The following DEFB124 variants were observed in gnomAD, a reference collection of about 807,000 sequenced individuals.
DEFB124 encodes defensin beta 124.
For missense variants in DEFB124, 78 were observed against 83.1 expected (o/e 0.94, Z 0.24); for synonymous variants, 38 against 36.5 (o/e 1.04, Z -0.15).
chr20:31,471,964 G>A (rs1177076255), intron 2 of DEFB124, among the ~76,000 whole-genome samples: 73 of 151,884 alleles, frequency 4.8e-4, no homozygotes, highest in African/African-American at 1.5e-3. Context: ...GACGATGGGC[G>A]GCCAGGCAGA....
At chr20:31,470,862 C>T (rs1278816143) in intron 2 of DEFB124, among the ~76,000 whole-genome samples, 17 of 139,454 alleles carry the variant, frequency 1.2e-4, no homozygotes, top group Non-Finnish European at 1.7e-4. Flanking sequence ...CCGGACGGGG[C>T]GGCTGGCCGG....
At chr20:31,465,943 G>A (rs1261219155) in intron 2 of DEFB124, among the ~76,000 whole-genome samples, 1 of 152,074 alleles carries the variant, frequency 6.6e-6, no homozygotes, top group Non-Finnish European at 1.5e-5. Context: ...GATCACCTGA[G>A]GTCAGGAGTT....
chr20:31,470,991 G>A (rs532996290), intron 2 of DEFB124, among the ~76,000 whole-genome samples: 1 of 142,868 alleles, frequency 7.0e-6, no homozygotes, highest in African/African-American at 2.6e-5. Flanking sequence ...GGACGGGGCG[G>A]CTGGCCGGGC....
chr20:31,471,777 A>T (rs1352533362), intron 2 of DEFB124, among the ~76,000 whole-genome samples: 1 of 143,388 alleles, frequency 7.0e-6, no homozygotes, highest in South Asian at 2.3e-4. Context: ...GCGGCGGGGC[A>T]GAGGCGCTCC....
At chr20:31,469,188 C>G (rs540243152) in intron 2 of DEFB124, among the ~76,000 whole-genome samples, 1 of 151,970 alleles carries the variant, frequency 6.6e-6, no homozygotes. Flanking sequence ...TTTGGGAGGC[C>G]GGGGTGGGTC....
chr20:31,474,329 G>A (rs1179522886), intron 1 of DEFB124, among the ~76,000 whole-genome samples: 1 of 152,194 alleles, frequency 6.6e-6, no homozygotes, highest in Non-Finnish European at 1.5e-5. Context: ...GGTAAGCTTA[G>A]AGGGCCAAGC....
chr20:31,473,843 G>T (rs1980401120), intron 1 of DEFB124, among the ~76,000 whole-genome samples: 1 of 152,210 alleles, frequency 6.6e-6, no homozygotes, highest in Non-Finnish European at 1.5e-5. Context: ...GCAAAATGTG[G>T]CTTAACAAGC....
intron 2 of DEFB124, among the ~76,000 whole-genome samples, chr20:31,470,426 G>C: frequency 7.1e-6 from 1 of 141,602 alleles, no homozygotes; most frequent in East Asian, 2.1e-4. Flanking sequence ...GGCCGGGCGG[G>C]GGGCTGAGCC....
At chr20:31,471,118 G>A (rs1245605075) in intron 2 of DEFB124, among the ~76,000 whole-genome samples, 1 of 130,862 alleles carries the variant, frequency 7.6e-6, no homozygotes, top group Non-Finnish European at 1.7e-5. Context: ...TGGACAGGGC[G>A]GCTGGCCGGG....
chr20:31,470,814 G>A (rs1980251936), intron 2 of DEFB124, among the ~76,000 whole-genome samples: 3 of 139,632 alleles, frequency 2.1e-5, no homozygotes, highest in South Asian at 2.3e-4. Flanking sequence ...CGGACGGGGC[G>A]GCTGGCCGGG....
rs879358297 is a variant in DEFB124, at chr20:31,472,008, G to C, written c.58+948C>G. On this transcript the variant is annotated intron_variant, in intron 2 of 2. Transcript: ENST00000317676. ...TCACTTCCCAGACGGGGTGGCGGCCGGGCAGAGGCTGCAATCTCGGCACTT... is the reference window on the plus strand; with the variant it reads ...TCACTTCCCAGACGGGGTGGCGGCCCGGCAGAGGCTGCAATCTCGGCACTT... Among the ~76,000 whole-genome samples, 13 of 151,472 alleles carry C rather than the reference G, an allele frequency of 8.6e-5. No individual in the cohort carries two copies. In the East Asian group the frequency reaches 2.2e-3, roughly 25 times the overall value.
At chr20:31,465,855 A>G (rs1033845528) in intron 2 of DEFB124, among the ~76,000 whole-genome samples, 192 bp from the exon 3 acceptor site, 6 of 152,182 alleles carry the variant, frequency 3.9e-5, no homozygotes, top group Non-Finnish European at 7.3e-5. Flanking sequence ...TTAGACCATT[A>G]GTTACAAATT....
Position 31,465,520 on chromosome 20 carries a change from G to C in DEFB124, c.202C>G (p.His68Asp). ...GCAGGAACCAGCTACTCATATTCATGCTTGGGGACCGGTGGAGGTTTCAAT... is the reference window on the plus strand; with the variant it reads ...GCAGGAACCAGCTACTCATATTCATCCTTGGGGACCGGTGGAGGTTTCAAT... Reference protein sequence around the residue: ...YALKPPPVPKHEYE With the variant: ...YALKPPPVPKDEYE The change falls in exon 3 of 3, where the codon CAT becomes GAT. Residue 68 changes from histidine to aspartate, a missense_variant. His to Asp is a moderately conservative substitution (Grantham distance 81). Transcript: ENST00000317676. The C allele has an allele frequency of 6.2e-7, 1 of 1,614,150 alleles. No homozygotes were observed. Among genetic ancestry groups the C allele is most frequent in the East Asian group, 2.2e-5 (1 of 44,878 alleles).
chr20:31,471,044 G>C (rs1284695107), intron 2 of DEFB124, among the ~76,000 whole-genome samples: 3 of 137,646 alleles, frequency 2.2e-5, no homozygotes, highest in Admixed American at 1.4e-4. Context: ...GCGGCTGGCC[G>C]GGCGGGGGGC....
chr20:31,465,577 G>A lies in DEFB124; in HGVS notation c.145C>T (p.Pro49Ser), dbSNP rs1256554192. Residue 49 changes from proline (P) to serine (S), a missense_variant, in exon 3 of 3, where the codon CCG becomes TCG. Physicochemically the swap from Pro to Ser is moderately conservative, Grantham distance 74. Coordinates refer to ENST00000317676, the MANE Select transcript of DEFB124 (RefSeq NM_001037500.2). ...TRQETYMHLC[P>S]DASLCCLSYA... The stretch of plus-strand genomic sequence containing the variant: ...GAGAGACAGCACAGGGACGCATCCG[G>A]GCACAGGTGCATGTAAGTTTCTTGC... 9.3e-6 allele frequency: 15 copies of A among 1,614,198 alleles called. No homozygotes were observed. Among genetic ancestry groups the A allele is most frequent in the Non-Finnish European group, 9.3e-6 (11 of 1,180,044 alleles).
At chr20:31,469,020 T>G (rs968868106) in intron 2 of DEFB124, among the ~76,000 whole-genome samples, 32 of 152,330 alleles carry the variant, frequency 2.1e-4, no homozygotes, top group African/African-American at 7.7e-4. Context: ...TCTGCATAAG[T>G]TTAAATTTTC....
At chr20:31,473,912 C>A (rs1980403751) in intron 1 of DEFB124, among the ~76,000 whole-genome samples, 1 of 152,162 alleles carries the variant, frequency 6.6e-6, no homozygotes, top group Admixed American at 6.6e-5. Context: ...AATATCCGTG[C>A]AGAGCTTAGA....
chr20:31,470,560 A>AACC (rs1419899194), intron 2 of DEFB124, among the ~76,000 whole-genome samples: 4 of 71,788 alleles, frequency 5.6e-5, no homozygotes, highest in East Asian at 9.7e-4. Context: ...CGGGGGGCTG[A>AACC]CCCCACCTCC....
chr20:31,470,218 C>T (rs1282729772), intron 2 of DEFB124, among the ~76,000 whole-genome samples: 41 of 146,760 alleles, frequency 2.8e-4, no homozygotes, highest in Non-Finnish European at 5.0e-4. Context: ...ACCCCCCCAC[C>T]TCCCTCCTGG....
Sources: gnomAD v4.1 joint callset for allele counts (sites outside exome capture counted in the v4.1 genomes callset) on GRCh38, gnomAD v4.1.1 for gene constraint, MANE v1.5 for transcripts, NCBI Gene and HGNC (gene_info 2026-07-23, HGNC 2026-07-21) for gene names.